The following GZMK variants were observed in gnomAD, a reference collection of about 807,000 sequenced individuals.
The protein encoded by GZMK is granzyme K.
GZMK carries 18 observed loss-of-function variants against 22.8 expected under a neutral mutation model. The observed-to-expected ratio is 0.79, with a 90% CI of 0.54 to 1.17. GZMK has a LOEUF of 1.17. Ranked by LOEUF, GZMK falls within the 50% of genes most tolerant of loss-of-function variation. GZMK has a pLI of 0.00. For synonymous variants in GZMK, 136 were observed against 115.0 expected (o/e 1.18, Z -1.17); for missense variants, 342 against 320.2 (o/e 1.07, Z -0.52).
At chr5:55,026,234 G>C (rs746475283) in intron 2 of GZMK, among the ~76,000 whole-genome samples, 22 of 152,156 alleles carry the variant, frequency 1.4e-4, no homozygotes, top group Non-Finnish European at 2.2e-4. Flanking sequence ...GGCTAGGCCT[G>C]AAACATGGTG....
At chr5:55,029,377 C>A (rs566533318) in intron 2 of GZMK, among the ~76,000 whole-genome samples, 2 of 152,108 alleles carry the variant, frequency 1.3e-5, no homozygotes, top group Non-Finnish European at 2.9e-5. Flanking sequence ...TGTTTTCTTA[C>A]CTTGAGGAAA....
intron 2 of GZMK, chr5:55,026,695 A>T (rs1741147692): frequency 6.6e-6 from 1 of 152,198 alleles, no homozygotes; most frequent in Non-Finnish European, 1.5e-5. Context: ...CAAACCTGGG[A>T]GTGCTCCCTT....
At chr5:55,031,709 G>A in intron 4 of GZMK, 76 bp downstream of exon 4, 2 of 1,177,486 alleles carry the variant, frequency 1.7e-6, no homozygotes, top group South Asian at 1.4e-5. Context: ...CTGACACTGA[G>A]GAGGAGGGAG....
At chr5:55,031,676 A>G (rs750280617) in intron 4 of GZMK, 43 bp downstream of exon 4, 6 of 1,552,700 alleles carry the variant, frequency 3.9e-6, no homozygotes, top group East Asian at 4.5e-5. Context: ...AGCGCTGTAC[A>G]GTAGCCAAGC....
At chr5:55,027,811 A>G (rs2111610221) in intron 2 of GZMK, among the ~76,000 whole-genome samples, 1 of 152,338 alleles carries the variant, frequency 6.6e-6, no homozygotes, top group South Asian at 2.1e-4. Flanking sequence ...CAACACCTCC[A>G]GGTGATTCTG....
chr5:55,031,635 T>A lies in GZMK; in HGVS notation c.633+2T>A, dbSNP rs759258226. On this transcript the variant is annotated splice_donor_variant, in intron 4 of 4. Transcript: ENST00000231009. LOFTEE classifies it high-confidence loss of function. Reference sequence around the variant, plus strand: ...AAAGGCCAGAAGGATTCCTGTAAGGTAAGAATCTCTCTTTCAAACAGGCAT... The same window carrying A: ...AAAGGCCAGAAGGATTCCTGTAAGGAAAGAATCTCTCTTTCAAACAGGCAT... The A allele has an allele frequency of 1.2e-6, 2 of 1,610,022 alleles. No individual in the cohort carries two copies. The highest frequency in any genetic ancestry group is 2.2e-5 in the East Asian group (1 of 44,808).
intron 2 of GZMK, among the ~76,000 whole-genome samples, chr5:55,026,598 A>G (rs1162384319): frequency 2.0e-5 from 3 of 152,186 alleles, no homozygotes; most frequent in Non-Finnish European, 2.9e-5. Flanking sequence ...AAATAGCTCA[A>G]TGGTGGCTTC....
At chr5:55,024,442 T>C in intron 1 of GZMK, 56 bp downstream of exon 1, 1 of 864,998 alleles carries the variant, frequency 1.2e-6, no homozygotes, top group South Asian at 1.5e-5. Context: ...CTGACTATAT[T>C]GTTATATTAT....
intron 2 of GZMK, among the ~76,000 whole-genome samples, chr5:55,029,683 G>A (rs1018883631): frequency 6.6e-6 from 1 of 152,154 alleles, no homozygotes; most frequent in Non-Finnish European, 1.5e-5. Flanking sequence ...AGCTGGGACT[G>A]TAGGCATGCA....
In GZMK at chr5:55,030,538, C is replaced by T; in HGVS notation, c.317C>T (p.Ser106Leu). 1 of 1,611,664 alleles carries T rather than the reference C, an allele frequency of 6.2e-7. No individual in the cohort carries two copies. ...GAGATCAAAAAATTTATACCATTCT[C>T]AAGAGTTACATCAGATCCTCAATCA... Reference protein sequence around the residue: ...TLEIKKFIPFSRVTSDPQSND... With the variant: ...TLEIKKFIPFLRVTSDPQSND... The change falls in exon 3 of 5, where the codon TCA (serine) becomes TTA (leucine). Residue 106 changes from serine to leucine, a missense_variant. By Grantham distance (145) the Ser-to-Leu change is moderately radical. Coordinates refer to ENST00000231009, the MANE Select transcript of GZMK (RefSeq NM_002104.3).
In GZMK at chr5:55,024,640, C is replaced by T; in HGVS notation, c.65-20C>T. The T allele has an allele frequency of 6.4e-7, 1 of 1,561,788 alleles. No individual in the cohort carries two copies. Among genetic ancestry groups the T allele is most frequent in the Non-Finnish European group, 8.8e-7 (1 of 1,137,982 alleles). The stretch of plus-strand genomic sequence containing the variant: ...GTAGTTTAGATCTTTTGTGTGAAAC[C>T]TTTTGGTCTACTTTTGTAGGTTTCA... On this transcript the variant is annotated intron_variant, in intron 1 of 4. Coordinates refer to ENST00000231009, the MANE Select transcript of GZMK (RefSeq NM_002104.3).
At chr5:55,029,449 G>A (rs908126135) in intron 2 of GZMK, among the ~76,000 whole-genome samples, 8 of 152,166 alleles carry the variant, frequency 5.3e-5, no homozygotes, top group South Asian at 4.1e-4. Flanking sequence ...GGACATATCT[G>A]ACTGTCATGT....
intron 2 of GZMK, among the ~76,000 whole-genome samples, chr5:55,026,630 T>C (rs768119381): frequency 6.6e-6 from 1 of 152,156 alleles, no homozygotes; most frequent in Non-Finnish European, 1.5e-5. Flanking sequence ...CTCCCCAGTA[T>C]CCTGTGGGAA....
At chr5:55,029,399 TTG>T (rs1741185380) in intron 2 of GZMK, among the ~76,000 whole-genome samples, 1 of 152,232 alleles carries the variant, frequency 6.6e-6, no homozygotes, top group Admixed American at 6.5e-5. Context: ...TTTTCCTTTC[TTG>T]TCCAAATCTT....
intron 4 of GZMK, among the ~76,000 whole-genome samples, 198 bp downstream of exon 4, chr5:55,031,831 T>C (rs1477493736): frequency 6.6e-6 from 1 of 152,226 alleles, no homozygotes; most frequent in Non-Finnish European, 1.5e-5. Context: ...ACTTCCCCAA[T>C]ACTTTATAAG....
intron 2 of GZMK, among the ~76,000 whole-genome samples, chr5:55,029,007 A>C (rs190413130): frequency 6.6e-6 from 1 of 152,276 alleles, no homozygotes; most frequent in Admixed American, 6.5e-5. Flanking sequence ...GGCTGAGGCC[A>C]GTAGATCACC....
rs756045599 is a variant in GZMK, at chr5:55,024,340, C to T, written c.18C>T (p.Ser6=). The T allele has an allele frequency of 2.7e-6, 4 of 1,480,824 alleles. No individual in the cohort carries two copies. Among genetic ancestry groups the T allele is most frequent in the Non-Finnish European group, 3.8e-6 (4 of 1,060,742 alleles). The allele number at this position is 1,480,824 out of a possible 1,614,324, so 91.7% of individuals were successfully genotyped here. A position where few individuals can be genotyped will look rare whatever the true frequency, so the allele number is the denominator to read the frequency against. The change falls in exon 1 of 5, where the codon TCC becomes TCT. Residue 6 remains serine, a synonymous_variant. Transcript: ENST00000231009. ...TCTTTAAAATGACTAAGTTTTCTTC[C>T]TTTTCTCTGTTTTTCCTAATAGTTG... MTKFS[S]FSLFFLIVGA...
intron 4 of GZMK, 111 bp from the exon 5 acceptor site, chr5:55,033,650 TAAAG>T (rs771701922): frequency 7.0e-6 from 5 of 712,202 alleles, no homozygotes; most frequent in East Asian, 2.7e-5. Flanking sequence ...CTTCTGGACA[TAAAG>T]AAAGCAAAGA....
intron 4 of GZMK, among the ~76,000 whole-genome samples, chr5:55,033,543 G>C (rs780482317): frequency 1.3e-5 from 2 of 152,220 alleles, no homozygotes; most frequent in Non-Finnish European, 2.9e-5. Flanking sequence ...GTCATAGATA[G>C]AGACATAAAC....
Sources: allele counts gnomAD v4.1 joint callset (sites outside exome capture counted in the v4.1 genomes callset), GRCh38; gene constraint gnomAD v4.1.1; transcripts MANE v1.5; gene names NCBI Gene and HGNC (gene_info 2026-07-23, HGNC 2026-07-21).